Variants in FAM81B observed in about 807,000 individuals in gnomAD.
FAM81B encodes the protein protein FAM81B.
In FAM81B, 60 loss-of-function variants were observed where a neutral mutation model predicts 58.7. The ratio of observed to expected loss-of-function variants is 1.02; its 90% confidence interval spans 0.83 to 1.27. The LOEUF is 1.27. Ranked by LOEUF, FAM81B falls within the 50% of genes most tolerant of loss-of-function variation. The pLI is 0.00. For missense variants in FAM81B, 491 were observed against 522.0 expected (o/e 0.94, Z 0.58); for synonymous variants, 189 against 179.6 (o/e 1.05, Z -0.42).
chr5:95,420,585 A>C (rs1285123504), intron 5 of FAM81B, among the ~76,000 whole-genome samples, 183 bp downstream of exon 5: 1 of 152,228 alleles, frequency 6.6e-6, no homozygotes, highest in Non-Finnish European at 1.5e-5. Flanking sequence ...GTGAGATTCA[A>C]AGTTTCTGTA....
intron 3 of FAM81B, among the ~76,000 whole-genome samples, chr5:95,409,993 T>G (rs569632246): frequency 1.7e-4 from 26 of 152,330 alleles, no homozygotes; most frequent in Admixed American, 7.2e-4. Flanking sequence ...AAAGTCCCAA[T>G]TTTGTTTAAG....
In FAM81B at chr5:95,420,356, A is replaced by G; in HGVS notation, c.610A>G (p.Ile204Val). The G allele has an allele frequency of 6.2e-7, 1 of 1,613,934 alleles. No homozygotes were observed. The highest frequency in any genetic ancestry group is 8.5e-7 in the Non-Finnish European group (1 of 1,179,822). ...TAACTTTGCAGTACACGAGATAAAC[A>G]TCAAACACCTACAAGGAGTTGGAGA... ...GTNFAVHEIN[I>V]KHLQGVGDLR... Residue 204 changes from isoleucine (I) to valine (V), a missense_variant, in exon 5 of 10, where the codon ATC becomes GTC. Transcript: ENST00000283357.
intron 5 of FAM81B, among the ~76,000 whole-genome samples, chr5:95,427,269 C>T (rs533582932): frequency 6.6e-6 from 1 of 152,252 alleles, no homozygotes; most frequent in South Asian, 2.1e-4. Context: ...AATATGGACT[C>T]ACATCAGGAC....
chr5:95,441,541 C>A (rs114872224), intron 7 of FAM81B, among the ~76,000 whole-genome samples: 3 of 151,816 alleles, frequency 2.0e-5, no homozygotes, highest in African/African-American at 7.3e-5. Context: ...TCTCCTCCAG[C>A]CTGGCGACAG....
intron 5 of FAM81B, among the ~76,000 whole-genome samples, chr5:95,422,566 T>A (rs1396406157): frequency 1.3e-5 from 1 of 74,176 alleles, no homozygotes; most frequent in Non-Finnish European, 4.3e-5. Flanking sequence ...CACTGCAGCC[T>A]CTGCCTCCCA....
intron 2 of FAM81B, among the ~76,000 whole-genome samples, chr5:95,395,259 A>T (rs1487265567): frequency 1.3e-5 from 2 of 151,892 alleles, no homozygotes; most frequent in Non-Finnish European, 2.9e-5. Context: ...CTAACATGGT[A>T]AAACCCCATC....
rs543373933 is a variant in FAM81B at position 95,399,255 on chromosome 5, ATTCATT to A, written c.293+3085_293+3090del. On this transcript the variant is annotated intron_variant, in intron 3 of 9. Transcript: ENST00000283357. Reference sequence around the variant, plus strand: ...AATATGGAATTCAGGGTCTGAAAGTATTCATTTTCAAGGTTTTTCTTAGCACCATGG... The same window carrying A: ...AATATGGAATTCAGGGTCTGAAAGTATTCAAGGTTTTTCTTAGCACCATGG... Among the ~76,000 whole-genome samples, 5 of 152,366 alleles carry A rather than the reference ATTCATT, an allele frequency of 3.3e-5. No homozygotes were observed. The East Asian group carries it at 9.6e-4, about 29-fold the overall frequency.
intron 1 of FAM81B, 48 bp downstream of exon 1, chr5:95,391,561 C>G (rs772251255): frequency 6.4e-6 from 10 of 1,556,160 alleles, no homozygotes; most frequent in Non-Finnish European, 8.7e-6. Context: ...ACTTCACTAT[C>G]TTTCTTCTGT....
At chr5:95,435,271 G>T (rs1745054704) in intron 6 of FAM81B, among the ~76,000 whole-genome samples, 1 of 152,100 alleles carries the variant, frequency 6.6e-6, no homozygotes, top group East Asian at 1.9e-4. Context: ...TGGGTTTTTT[G>T]TTGCTTTTTT....
chr5:95,440,378 C>T, intron 7 of FAM81B: 1 of 715,380 alleles, frequency 1.4e-6, no homozygotes, highest in Non-Finnish European at 2.6e-6. Context: ...TGAAGGCTAA[C>T]CTGCTTCAGA....
At chr5:95,433,481 G>A (rs1165142913) in intron 6 of FAM81B, among the ~76,000 whole-genome samples, 1 of 152,050 alleles carries the variant, frequency 6.6e-6, no homozygotes, top group Non-Finnish European at 1.5e-5. Context: ...GATTTGGATG[G>A]GGACACAGCC....
At chr5:95,410,505 G>A (rs1762378379) in intron 3 of FAM81B, among the ~76,000 whole-genome samples, 1 of 152,148 alleles carries the variant, frequency 6.6e-6, no homozygotes, top group East Asian at 1.9e-4. Flanking sequence ...AAGAAAATCT[G>A]TCACTATTGG....
intron 6 of FAM81B, among the ~76,000 whole-genome samples, chr5:95,431,313 T>G (rs901338741): frequency 6.6e-6 from 1 of 152,124 alleles, no homozygotes; most frequent in African/African-American, 2.4e-5. Context: ...ACTTAAATCC[T>G]TCGTCCATTT....
At position 95,413,966 on chromosome 5, in the gene FAM81B, A is replaced by G; in HGVS notation, c.313A>G (p.Ile105Val). ...GATCAGGAGTCATGCTTTTCTCCCC[A>G]TCATTCCAAACACCCAGAGAGGTCA... is the stretch of plus-strand genomic sequence containing the variant. Reference protein sequence around the residue: ...YVDKSHAFLPIIPNTQRGQLE... With the variant: ...YVDKSHAFLPVIPNTQRGQLE... Residue 105 changes from isoleucine (I) to valine (V), a missense_variant, in exon 4 of 10, where the codon ATC becomes GTC. Ile to Val is a conservative substitution (Grantham distance 29, BLOSUM62 3). Transcript: ENST00000283357. 6.2e-7 allele frequency: 1 copy of G among 1,613,430 alleles called. No individual in the cohort carries two copies. Among genetic ancestry groups the G allele is most frequent in the Non-Finnish European group, 8.5e-7 (1 of 1,179,734 alleles).
rs767951439 is a variant in FAM81B, at chr5:95,448,454, A to G, written c.1215A>G (p.Glu405=). The change falls in exon 9 of 10, where the codon GAA becomes GAG. Residue 405 remains glutamate, a synonymous_variant. Coordinates refer to ENST00000283357, the MANE Select transcript of FAM81B (RefSeq NM_152548.3). ...IWGELETMQN[E]YQSGFKSIHD... ...GTGAATTAGAGACAATGCAGAATGAATATCAATCAGGTGAGCAGATACCTT... is the reference window on the plus strand; with the variant it reads ...GTGAATTAGAGACAATGCAGAATGAGTATCAATCAGGTGAGCAGATACCTT... 7 of 1,604,736 alleles carry G rather than the reference A, an allele frequency of 4.4e-6. No homozygotes were observed. The South Asian group carries it at 6.8e-5, about 16-fold the overall frequency.
intron 3 of FAM81B, among the ~76,000 whole-genome samples, chr5:95,411,725 TTA>T (rs932370347): frequency 6.6e-6 from 1 of 152,200 alleles, no homozygotes. Context: ...TTAAGAAATT[TTA>T]TCTTTCACAA....
At chr5:95,424,046 C>T (rs1376661124) in intron 5 of FAM81B, 1 of 1,289,512 alleles carries the variant, frequency 7.8e-7, no homozygotes, top group African/African-American at 1.5e-5. Flanking sequence ...TTTCTATCAT[C>T]TAGGACCTCC....
chr5:95,392,895 A>C lies in FAM81B; in HGVS notation c.226A>C (p.Lys76Gln). ...LPGSDNNQEK[K>Q]VRLSPAKMST... Reference sequence around the variant, plus strand: ...TGGCTCAGACAATAACCAAGAAAAGAAAGCAAGTACTTTTCAATATTCACA... The same window carrying C: ...TGGCTCAGACAATAACCAAGAAAAGCAAGCAAGTACTTTTCAATATTCACA... The change falls in exon 2 of 10, where the codon AAA (lysine) becomes CAA (glutamine). Residue 76 changes from lysine (K) to glutamine (Q), a missense_variant and splice_region_variant. Lys to Gln is a moderately conservative substitution (Grantham distance 53). Transcript: ENST00000283357. 1 of 1,603,102 alleles carries C rather than the reference A, an allele frequency of 6.2e-7. No individual in the cohort carries two copies. Among genetic ancestry groups the C allele is most frequent in the Non-Finnish European group, 8.5e-7 (1 of 1,175,370 alleles).
intron 5 of FAM81B, among the ~76,000 whole-genome samples, chr5:95,422,514 G>A (rs11135424): frequency 0.21 from 31,209 of 151,650 alleles, 3,322 homozygotes; most frequent in African/African-American, 0.25. Flanking sequence ...ACAGAGTCTC[G>A]CTCTGTCACC....
Sources: gnomAD v4.1 joint callset for allele counts (sites outside exome capture counted in the v4.1 genomes callset) on GRCh38, gnomAD v4.1.1 for gene constraint, MANE v1.5 for transcripts, NCBI Gene and HGNC (gene_info 2026-07-23, HGNC 2026-07-21) for gene names.